SLC26A3: variants seen among roughly 807,000 people sequenced by gnomAD.
SLC26A3 encodes the protein solute carrier family 26 member 3.
Under a neutral mutation model 85.6 loss-of-function variants are expected in SLC26A3, and 64 were observed. That is an observed-to-expected ratio of 0.75 (90% CI 0.61 to 0.92). The LOEUF (loss-of-function observed/expected upper bound fraction) is 0.92, where lower values mean the gene tolerates loss of function less well. Among genes scored for constraint, SLC26A3 ranks in the 40% least tolerant of loss-of-function variants. SLC26A3 has a pLI of 0.00. For missense variants in SLC26A3, 922 were observed against 927.3 expected, an observed-to-expected ratio of 0.99 and a Z score of 0.07; for synonymous variants, 349 against 336.0, an observed-to-expected ratio of 1.04 and a Z score of -0.42.
chr7:107,776,719 A>G lies in SLC26A3; in HGVS notation c.1515-13T>C. ...GCTGCATTTTGGACTGTAGGGAGAA[A>G]AACACCAAGTAAATCATTCATGTAT... On this transcript the variant is annotated splice_polypyrimidine_tract_variant and intron_variant, in intron 13 of 20. Coordinates refer to ENST00000340010, the MANE Select transcript of SLC26A3 (RefSeq NM_000111.3). The G allele has an allele frequency of 1.2e-6, 2 of 1,610,862 alleles. No individual in the cohort carries two copies. The highest frequency in any genetic ancestry group is 1.7e-6 in the Non-Finnish European group (2 of 1,177,938).
chr7:107,767,637 T>C lies in SLC26A3; in HGVS notation c.2213A>G (p.Asp738Gly). The stretch of plus-strand genomic sequence containing the variant: ...ATTTATGGTAAAATCAATTTTTCCA[T>C]CTTTTTCCTGAGAAAAAGAGAATGG... Reference protein sequence around the residue: ...TSKFNPSQEKDGKIDFTINTN... With the variant: ...TSKFNPSQEKGGKIDFTINTN... Residue 738 changes from aspartate (D) to glycine (G), a missense_variant, in exon 20 of 21, where the codon GAT becomes GGT. Transcript: ENST00000340010. 3 of 1,611,340 alleles carry C rather than the reference T, an allele frequency of 1.9e-6. No individual in the cohort carries two copies. The highest frequency in any genetic ancestry group is 2.2e-5 in the South Asian group (2 of 91,022).
chr7:107,783,170 T>C (rs1794238722), intron 9 of SLC26A3, 35 bp downstream of exon 9: 2 of 1,613,990 alleles, frequency 1.2e-6, no homozygotes, highest in Non-Finnish European at 1.7e-6. Context: ...TATTTAAAGT[T>C]GCCCAGTGAG....
At position 107,772,066 on chromosome 7, in the gene SLC26A3, C is replaced by T. The variant is rs199895223; in HGVS notation, c.2050G>A (p.Val684Ile). 4.7e-5 allele frequency: 75 copies of T among 1,612,194 alleles called. No homozygotes were observed. The highest frequency in any genetic ancestry group is 2.3e-4 in the Admixed American group (14 of 60,012). ...FIRIKVDVYI[V>I]GTDDDFIEKL... is the part of the protein sequence containing the mutation. The stretch of plus-strand genomic sequence containing the variant: ...TAAAGCCACTTACCATCAGTTCCAA[C>T]GATATACACATCTACCTTGATCCTG... The change falls in exon 18 of 21, where the codon GTT becomes ATT. Residue 684 changes from valine (V) to isoleucine (I), a missense_variant. Val to Ile is a conservative substitution (Grantham distance 29, BLOSUM62 3). Coordinates refer to ENST00000340010, the MANE Select transcript of SLC26A3 (RefSeq NM_000111.3).
chr7:107,778,323 T>C lies in SLC26A3; in HGVS notation c.1408-42A>G, dbSNP rs373196185. On this transcript the variant is annotated intron_variant, in intron 12 of 20. Coordinates refer to ENST00000340010, the MANE Select transcript of SLC26A3 (RefSeq NM_000111.3). ...ACACATACACTACAATTTACTTTGA[T>C]TAAAGTACAATGTCGAGACGGGGTC... The C allele has an allele frequency of 7.9e-6, 10 of 1,260,488 alleles. No individual in the cohort carries two copies. In the African/African-American group the frequency reaches 1.5e-4, roughly 19 times the overall value. 78.1% of individuals were successfully genotyped at this position (1,260,488 alleles called of 1,614,324 possible). A position where few individuals can be genotyped will look rare whatever the true frequency, so the allele number is the denominator to read the frequency against.
chr7:107,788,034 A>G (rs1489531942), intron 6 of SLC26A3, among the ~76,000 whole-genome samples: 2 of 152,200 alleles, frequency 1.3e-5, no homozygotes, highest in Non-Finnish European at 2.9e-5. Context: ...GCATGTGCAC[A>G]TACTTCTTGA....
chr7:107,767,681 G>A lies in SLC26A3; in HGVS notation c.2206-37C>T, dbSNP rs201716544. 2.4e-4 allele frequency: 388 copies of A among 1,600,844 alleles called. 1 individual carries two copies. In the East Asian group the frequency reaches 8.1e-3, roughly 33 times the overall value. On this transcript the variant is annotated intron_variant, in intron 19 of 20. Transcript: ENST00000340010. ...AGAATGGAAATATGGATTAGGGGCT[G>A]ATTTTTTTTAATGTTGAAAAAGAGA... is the stretch of plus-strand genomic sequence containing the variant.
chr7:107,788,728 C>CA (rs1462714391), intron 6 of SLC26A3, among the ~76,000 whole-genome samples: 4 of 148,852 alleles, frequency 2.7e-5, no homozygotes, highest in Non-Finnish European at 4.5e-5. Flanking sequence ...TCCCTTGCTA[C>CA]TTTTTCTTTT....
At chr7:107,771,275 G>GT (rs1255305519) in intron 18 of SLC26A3, among the ~76,000 whole-genome samples, 1 of 152,142 alleles carries the variant, frequency 6.6e-6, no homozygotes, top group East Asian at 1.9e-4. Context: ...CTAAAAGCGT[G>GT]TATCTGAGGT....
chr7:107,771,184 T>C (rs1469556303), intron 18 of SLC26A3, among the ~76,000 whole-genome samples: 1 of 152,142 alleles, frequency 6.6e-6, no homozygotes, highest in African/African-American at 2.4e-5. Context: ...AGGGTTTCTA[T>C]CTGGAAAACT....
intron 13 of SLC26A3, 60 bp from the exon 14 acceptor site, chr7:107,776,766 A>G: frequency 6.8e-7 from 1 of 1,465,152 alleles, no homozygotes; most frequent in East Asian, 2.3e-5. Context: ...CTATAAGGCT[A>G]ACACTGACTT....
chr7:107,778,470 A>ACAG (rs1794165613), intron 12 of SLC26A3, among the ~76,000 whole-genome samples, 189 bp from the exon 13 acceptor site: 2 of 148,228 alleles, frequency 1.3e-5, no homozygotes, highest in Admixed American at 6.8e-5. Context: ...GCCAGGGAGC[A>ACAG]AAGTGCACAG....
intron 17 of SLC26A3, among the ~76,000 whole-genome samples, chr7:107,772,920 G>T (rs1794050271): frequency 6.6e-6 from 1 of 152,126 alleles, no homozygotes; most frequent in Admixed American, 6.6e-5. Flanking sequence ...TTCTAATTTT[G>T]TATCCAGTTC....
intron 18 of SLC26A3, among the ~76,000 whole-genome samples, chr7:107,771,020 G>T (rs1394203491): frequency 6.6e-6 from 1 of 152,194 alleles, no homozygotes; most frequent in African/African-American, 2.4e-5. Flanking sequence ...AAGGATATTA[G>T]TTAGAAAGTC....
At chr7:107,782,518 A>G (rs1352353046) in intron 11 of SLC26A3, among the ~76,000 whole-genome samples, 1 of 152,212 alleles carries the variant, frequency 6.6e-6, no homozygotes, top group East Asian at 1.9e-4. Flanking sequence ...GTGTGGTGCC[A>G]GGGTGCCCTC....
At position 107,779,708 on chromosome 7, in the gene SLC26A3, G is replaced by C; in HGVS notation, c.1367C>G (p.Ala456Gly). The C allele has an allele frequency of 1.2e-6, 2 of 1,613,910 alleles. No homozygotes were observed. The highest frequency in any genetic ancestry group is 1.7e-6 in the Non-Finnish European group (2 of 1,179,936). Residue 456 changes from alanine to glycine, a missense_variant, in exon 12 of 21, where the codon GCT becomes GGT. Coordinates refer to ENST00000340010, the MANE Select transcript of SLC26A3 (RefSeq NM_000111.3). The stretch of plus-strand genomic sequence containing the variant: ...CTTTCGCCACAATCTGCCTATTTCA[G>C]CAAACTGCATCAGCATTCCCTTTAA... ...GNLKGMLMQF[A>G]EIGRLWRKDK...
At chr7:107,777,284 G>A (rs796894067) in intron 13 of SLC26A3, among the ~76,000 whole-genome samples, 1 of 152,158 alleles carries the variant, frequency 6.6e-6, no homozygotes, top group Non-Finnish European at 1.5e-5. Context: ...TGGTAGTGAT[G>A]TTACATGGCA....
At chr7:107,799,017 G>A (rs921915154) in intron 1 of SLC26A3, among the ~76,000 whole-genome samples, 2 of 152,112 alleles carry the variant, frequency 1.3e-5, no homozygotes, top group African/African-American at 4.8e-5. Flanking sequence ...CAGAAATCAA[G>A]CTCACAAAAA....
chr7:107,773,908 C>A lies in SLC26A3; in HGVS notation c.2007+12G>T. 6.3e-7 allele frequency: 1 copy of A among 1,597,276 alleles called. No individual in the cohort carries two copies. The highest frequency in any genetic ancestry group is 8.6e-7 in the Non-Finnish European group (1 of 1,165,040). ...ATTGATTGGTTGTTTCCATTAAGAA[C>A]AAAGAAATTACCGATTTAAGGCCCC... On this transcript the variant is annotated intron_variant, in intron 17 of 20. Coordinates refer to ENST00000340010, the MANE Select transcript of SLC26A3 (RefSeq NM_000111.3).
intron 1 of SLC26A3, among the ~76,000 whole-genome samples, chr7:107,802,226 T>C (rs1178693693): frequency 6.6e-6 from 1 of 152,136 alleles, no homozygotes; most frequent in East Asian, 1.9e-4. Context: ...CACTTGCATA[T>C]ATAAAGAAAG....
Sources: allele counts gnomAD v4.1 joint callset (sites outside exome capture counted in the v4.1 genomes callset), GRCh38; gene constraint gnomAD v4.1.1; transcripts MANE v1.5; gene names NCBI Gene and HGNC (gene_info 2026-07-23, HGNC 2026-07-21).